The following ERBB4 variants were observed in gnomAD, a reference collection of about 807,000 sequenced individuals.
ERBB4 encodes the protein receptor tyrosine-protein kinase erbB-4.
Under a neutral mutation model 158.0 loss-of-function variants are expected in ERBB4, and 42 were observed. The ratio of observed to expected loss-of-function variants is 0.27; its 90% CI spans 0.21 to 0.34. ERBB4 has a LOEUF of 0.34. Among genes scored for constraint, ERBB4 ranks in the 10% least tolerant of loss-of-function variants. The pLI, the probability that ERBB4 is intolerant of heterozygous loss-of-function variation, is 1.00. For synonymous variants in ERBB4, 583 were observed against 558.7 expected (o/e 1.04, Z -0.61); for missense variants, 1,333 against 1,624.1 (o/e 0.82, Z 3.08).
intron 2 of ERBB4, 39 bp from the exon 3 acceptor site, chr2:211,947,655 AT>A: frequency 8.9e-6 from 14 of 1,567,700 alleles, no homozygotes; most frequent in Non-Finnish European, 1.2e-5. Context: ...TATAAAACGA[AT>A]TTGTCACTCT....
At chr2:211,750,820 C>T (rs2075110224) in intron 4 of ERBB4, 116 bp from the exon 5 acceptor site, 1 of 904,070 alleles carries the variant, frequency 1.1e-6, no homozygotes, top group Non-Finnish European at 1.8e-6. Context: ...TTATGTCATA[C>T]TAGAGCTGAA....
In ERBB4 at chr2:212,258,472, C is replaced by G. The variant is rs542805347; in HGVS notation, c.83-133569G>C. On this transcript the variant is annotated intron_variant, in intron 1 of 27. Coordinates refer to ENST00000342788, the MANE Select transcript of ERBB4 (RefSeq NM_005235.3). ...AACAGTTTACTTTCCAAATAATAAA[C>G]AAAAATATTGACCCTAAAATAGTTA... 1.3e-4 allele frequency among the ~76,000 whole-genome samples: 20 copies of G among 151,368 alleles called. No individual in the cohort carries two copies. The South Asian group carries it at 3.1e-3, about 24-fold the overall frequency.
chr2:211,911,040 A>T (rs2079528759), intron 3 of ERBB4, among the ~76,000 whole-genome samples: 1 of 152,204 alleles, frequency 6.6e-6, no homozygotes, highest in African/African-American at 2.4e-5. Context: ...AGAACAAAAT[A>T]CATTTATTTT....
intron 3 of ERBB4, among the ~76,000 whole-genome samples, chr2:211,940,656 AT>A (rs775184273): frequency 1.7e-4 from 26 of 152,158 alleles, no homozygotes; most frequent in Non-Finnish European, 2.9e-4. Context: ...GGGGTCATAA[AT>A]TAAGGGAGCT....
In ERBB4 at chr2:211,704,230, T is replaced by C. The variant is rs1448413553; in HGVS notation, c.1199-36A>G. 3 of 1,310,726 alleles carry C rather than the reference T, an allele frequency of 2.3e-6. No homozygotes were observed. In the Admixed American group the frequency reaches 5.0e-5, roughly 22 times the overall value. The allele number at this position is 1,310,726 out of a possible 1,614,324, so 81.2% of individuals were successfully genotyped here. A position where few individuals can be genotyped will look rare whatever the true frequency, so the allele number is the denominator to read the frequency against. On this transcript the variant is annotated intron_variant, in intron 10 of 27. Transcript: ENST00000342788. ...AGAGTAGAAAAAATAAATCAGAATA[T>C]CATTGTCTTAGTATTAGTGCTGATT...
At chr2:212,384,571 T>C (rs1222250834) in intron 1 of ERBB4, among the ~76,000 whole-genome samples, 1 of 151,686 alleles carries the variant, frequency 6.6e-6, no homozygotes, top group Non-Finnish European at 1.5e-5. Context: ...TTCATTTGAT[T>C]TCCTCTTATC....
chr2:211,594,007 C>T (rs2068553115), intron 19 of ERBB4, among the ~76,000 whole-genome samples: 1 of 152,156 alleles, frequency 6.6e-6, no homozygotes, highest in South Asian at 2.1e-4. Context: ...TCTCTATGTC[C>T]AATCCTACTT....
At chr2:211,709,387 A>C (rs930876201) in intron 9 of ERBB4, among the ~76,000 whole-genome samples, 1 of 151,264 alleles carries the variant, frequency 6.6e-6, no homozygotes, top group Non-Finnish European at 1.5e-5. Context: ...ACCAAGACTA[A>C]AATAACTATT....
chr2:212,266,102 A>G (rs893704272), intron 1 of ERBB4, among the ~76,000 whole-genome samples: 1 of 151,832 alleles, frequency 6.6e-6, no homozygotes, highest in Non-Finnish European at 1.5e-5. Context: ...TCTCAATTGC[A>G]TGCCCCCCTC....
chr2:211,631,933 T>C (rs1295669254), intron 16 of ERBB4, among the ~76,000 whole-genome samples: 1 of 152,088 alleles, frequency 6.6e-6, no homozygotes, highest in African/African-American at 2.4e-5. Flanking sequence ...TGCTCAGAGA[T>C]AGATCAGAAA....
Position 212,538,793 on chromosome 2 carries a change from G to A in ERBB4, c.-263C>T, listed in dbSNP as rs921481729. ...TCGGTGTGTGCGCTTGGCGCTCTGGGCCGGACTGTGCAGCTATTTCCCCGC... is the reference window on the plus strand; with the variant it reads ...TCGGTGTGTGCGCTTGGCGCTCTGGACCGGACTGTGCAGCTATTTCCCCGC... On this transcript the variant is annotated 5_prime_UTR_variant, in exon 1 of 28. Transcript: ENST00000342788. 63 of 357,072 alleles carry A rather than the reference G, an allele frequency of 1.8e-4. No individual in the cohort carries two copies. In the East Asian group the frequency reaches 2.7e-3, roughly 15 times the overall value. The allele number at this position is 357,072 out of a possible 1,614,324, so 22.1% of individuals were successfully genotyped here. A position where few individuals can be genotyped will look rare whatever the true frequency, so the allele number is the denominator to read the frequency against.
At chr2:212,246,986 G>T (rs186419922) in intron 1 of ERBB4, among the ~76,000 whole-genome samples, 2 of 152,102 alleles carry the variant, frequency 1.3e-5, no homozygotes, top group East Asian at 3.9e-4. Context: ...GTTCTTTCTG[G>T]TTCAAATCTC....
At chr2:211,867,537 T>C (rs2078240087) in intron 3 of ERBB4, among the ~76,000 whole-genome samples, 2 of 152,206 alleles carry the variant, frequency 1.3e-5, no homozygotes, top group Admixed American at 1.3e-4. Flanking sequence ...ACTTTACACA[T>C]AATTGTAAAA....
At chr2:212,208,259 T>G (rs1190538431) in intron 1 of ERBB4, among the ~76,000 whole-genome samples, 2 of 152,186 alleles carry the variant, frequency 1.3e-5, no homozygotes, top group African/African-American at 2.4e-5. Flanking sequence ...GCAAGGTTAA[T>G]GCCTTTTATT....
chr2:212,313,893 CA>C (rs2087155077), intron 1 of ERBB4, among the ~76,000 whole-genome samples: 1 of 151,020 alleles, frequency 6.6e-6, no homozygotes, highest in African/African-American at 2.4e-5. Context: ...GATAGAATCT[CA>C]AAGTTCTTGA....
chr2:212,444,309 G>C (rs2092309183), intron 1 of ERBB4, among the ~76,000 whole-genome samples: 1 of 152,178 alleles, frequency 6.6e-6, no homozygotes. Flanking sequence ...TTCCCAGTGG[G>C]CAGAACTTTG....
chr2:211,393,138 T>G (rs2062838053), intron 25 of ERBB4, among the ~76,000 whole-genome samples: 1 of 152,204 alleles, frequency 6.6e-6, no homozygotes, highest in African/African-American at 2.4e-5. Flanking sequence ...TGCTTAATAA[T>G]CCTGCTTTTC....
In ERBB4 at chr2:212,140,009, T is replaced by C. The variant is rs533049956; in HGVS notation, c.83-15106A>G. Among the ~76,000 whole-genome samples the C allele has an allele frequency of 1.9e-3, 291 of 152,006 alleles. 1 individual carries two copies. The highest frequency in any genetic ancestry group is 6.2e-3 in the African/African-American group (258 of 41,564). On this transcript the variant is annotated intron_variant, in intron 1 of 27. Transcript: ENST00000342788. ...ATAATCAATTAGTTGTTACATTCTT[T>C]GTAAATGTTCATTTCTTTTCAGATG...
chr2:212,053,132 A>C (rs2077449623), intron 2 of ERBB4, among the ~76,000 whole-genome samples: 2 of 152,212 alleles, frequency 1.3e-5, no homozygotes, highest in Admixed American at 1.3e-4. Context: ...GCAGTGAGCC[A>C]TGATTATGTC....
Sources: allele counts gnomAD v4.1 joint callset (sites outside exome capture counted in the v4.1 genomes callset), GRCh38; gene constraint gnomAD v4.1.1; transcripts MANE v1.5; gene names NCBI Gene and HGNC (gene_info 2026-07-23, HGNC 2026-07-21).